Variants in SLIT1 observed in about 807,000 individuals in gnomAD.
SLIT1 encodes slit homolog 1 protein.
In SLIT1, 66 loss-of-function variants were observed where a neutral mutation model predicts 186.1. The ratio of observed to expected loss-of-function variants is 0.35; its 90% confidence interval spans 0.29 to 0.44. The LOEUF (loss-of-function observed/expected upper bound fraction) is 0.44. SLIT1 is among the 20% of genes least tolerant of loss of function. The pLI, the probability that SLIT1 is intolerant of heterozygous loss-of-function variation, is 1.00. For synonymous variants in SLIT1, 761 were observed against 833.8 expected, an observed-to-expected ratio of 0.91 and a Z score of 1.50; for missense variants, 1,638 against 2,037.4, an observed-to-expected ratio of 0.80 and a Z score of 3.77.
intron 4 of SLIT1, among the ~76,000 whole-genome samples, chr10:97,119,333 G>T (rs1382507952): frequency 6.6e-6 from 1 of 152,170 alleles, no homozygotes; most frequent in Non-Finnish European, 1.5e-5. Flanking sequence ...CTCTTTTAAT[G>T]GAAAGGGGCG....
intron 11 of SLIT1, chr10:97,058,083 G>T: frequency 2.8e-6 from 2 of 717,312 alleles, no homozygotes; most frequent in South Asian, 3.0e-5. Flanking sequence ...GTCGTGTGTG[G>T]ACAGGTGACG....
intron 1 of SLIT1, among the ~76,000 whole-genome samples, chr10:97,175,031 C>G (rs1423177578): frequency 6.6e-6 from 1 of 152,174 alleles, no homozygotes; most frequent in Non-Finnish European, 1.5e-5. Flanking sequence ...CAAAGTGCAA[C>G]TCTATGCTAC....
intron 4 of SLIT1, among the ~76,000 whole-genome samples, chr10:97,080,667 C>A (rs1176391413): frequency 1.3e-5 from 2 of 152,168 alleles, no homozygotes; most frequent in African/African-American, 4.8e-5. Context: ...GGGGCAGAGA[C>A]AAATGGAACA....
At chr10:97,093,173 C>A (rs886256849) in intron 4 of SLIT1, among the ~76,000 whole-genome samples, 1 of 152,198 alleles carries the variant, frequency 6.6e-6, no homozygotes, top group African/African-American at 2.4e-5. Flanking sequence ...GAAGACACAA[C>A]CTGTGTTGCA....
Position 97,043,014 on chromosome 10 carries a change from C to A in SLIT1, c.2051G>T (p.Gly684Val). 3 of 1,614,236 alleles carry A rather than the reference C, an allele frequency of 1.9e-6. No individual in the cohort carries two copies. The highest frequency in any genetic ancestry group is 2.5e-6 in the Non-Finnish European group (3 of 1,180,038). ...CACGATCTTGCGCTTCCGTAGCCAGCCTCCTAGCCAGGCCAGCTGGCAGTT... is the reference window on the plus strand; with the variant it reads ...CACGATCTTGCGCTTCCGTAGCCAGACTCCTAGCCAGGCCAGCTGGCAGTT... Reference protein sequence around the residue: ...NCNCQLAWLGGWLRKRKIVTG... With the variant: ...NCNCQLAWLGVWLRKRKIVTG... The change falls in exon 20 of 37, where the codon GGC becomes GTC. Residue 684 changes from glycine to valine, a missense_variant. Around this residue, in one of 3 missense-constraint regions of SLIT1, gnomAD observed 1,245 missense variants for 1,535.3 expected, o/e 0.81. Transcript: ENST00000266058. The surrounding 1 kb of genome is among the most constrained non-coding windows in gnomAD (Gnocchi z 7.0).
chr10:97,094,517 T>A (rs1170188719), intron 4 of SLIT1, among the ~76,000 whole-genome samples: 6 of 152,210 alleles, frequency 3.9e-5, no homozygotes, highest in African/African-American at 1.4e-4. Context: ...TATTGATGAT[T>A]ATGTGAGGCC....
intron 4 of SLIT1, among the ~76,000 whole-genome samples, chr10:97,135,472 C>T (rs1849693424): frequency 6.6e-6 from 1 of 152,106 alleles, no homozygotes; most frequent in South Asian, 2.1e-4. Flanking sequence ...TAGAAAGCAA[C>T]AAGCAGAAAT....
intron 31 of SLIT1, among the ~76,000 whole-genome samples, chr10:97,008,020 G>A (rs902004776): frequency 6.0e-5 from 9 of 150,278 alleles, no homozygotes; most frequent in African/African-American, 2.0e-4. Context: ...AAGGCAGGAA[G>A]GCAAGAAGGA....
At chr10:97,079,198 C>T (rs982644631) in intron 4 of SLIT1, among the ~76,000 whole-genome samples, 2 of 152,102 alleles carry the variant, frequency 1.3e-5, no homozygotes, top group African/African-American at 4.8e-5. Context: ...CCATATGTAC[C>T]ACTTATATAA....
At chr10:97,147,690 C>A (rs1036600824) in intron 4 of SLIT1, among the ~76,000 whole-genome samples, 1 of 152,112 alleles carries the variant, frequency 6.6e-6, no homozygotes, top group Admixed American at 6.5e-5. Context: ...CACTAAGTCG[C>A]CCCACTCTTC....
intron 4 of SLIT1, among the ~76,000 whole-genome samples, chr10:97,156,406 C>T (rs1454822067): frequency 2.0e-5 from 3 of 152,006 alleles, no homozygotes; most frequent in Non-Finnish European, 4.4e-5. Context: ...GGCAAAACCC[C>T]GTCTCTACAA....
At position 97,046,810 on chromosome 10, in the gene SLIT1, G is replaced by A. The variant is rs1436290764; in HGVS notation, c.1710-13C>T. 6.2e-7 allele frequency: 1 copy of A among 1,609,776 alleles called. No individual in the cohort carries two copies. The highest frequency in any genetic ancestry group is 1.3e-5 in the African/African-American group (1 of 74,934). On this transcript the variant is annotated splice_polypyrimidine_tract_variant and intron_variant, in intron 17 of 36. Transcript: ENST00000266058. ...GTTGCTCAGATTGCTGGGAGAAGAGGCGGGGGGAGGATTACATATGGCCAG... is the reference window on the plus strand; with the variant it reads ...GTTGCTCAGATTGCTGGGAGAAGAGACGGGGGGAGGATTACATATGGCCAG...
At position 97,184,016 on chromosome 10, in the gene SLIT1, C is replaced by CA. The variant is rs1850376519; in HGVS notation, c.197+1461dup. On this transcript the variant is annotated intron_variant, in intron 1 of 36. Transcript: ENST00000266058. The surrounding 1 kb of genome is among the most constrained non-coding windows in gnomAD (Gnocchi z 4.4). ...GCATTCACACACACACATACACATG[C>CA]ACCACACACACACACACACACACAC... 1.0e-5 allele frequency among the ~76,000 whole-genome samples: 1 copy of CA among 95,466 alleles called. No homozygotes were observed. The highest frequency in any genetic ancestry group is 4.0e-5 in the African/African-American group (1 of 24,814). 62.6% of individuals were successfully genotyped at this position (95,466 alleles called of 152,430 possible).
chr10:97,182,491 A>C (rs148508688), intron 1 of SLIT1, among the ~76,000 whole-genome samples: 1 of 152,204 alleles, frequency 6.6e-6, no homozygotes, highest in Non-Finnish European at 1.5e-5. Context: ...GGCCTCTTTC[A>C]AGATGTTCTT....
At chr10:97,070,561 T>A (rs538124804) in intron 4 of SLIT1, among the ~76,000 whole-genome samples, 1 of 152,302 alleles carries the variant, frequency 6.6e-6, no homozygotes, top group East Asian at 1.9e-4. Flanking sequence ...GTGATGGTAT[T>A]AGGAGGTGAG....
intron 13 of SLIT1, among the ~76,000 whole-genome samples, chr10:97,055,666 G>A (rs770115881): frequency 1.2e-4 from 18 of 152,076 alleles, no homozygotes; most frequent in East Asian, 3.9e-4. Context: ...CACCATGCCC[G>A]GCCCACAGTA....
intron 4 of SLIT1, among the ~76,000 whole-genome samples, chr10:97,086,421 T>C (rs1849160115): frequency 6.7e-6 from 1 of 148,410 alleles, no homozygotes; most frequent in Non-Finnish European, 1.5e-5. Context: ...AAAAAAAAAA[T>C]ACAAAAATTA....
chr10:97,009,894 T>C (rs1480828825), intron 31 of SLIT1, among the ~76,000 whole-genome samples: 1 of 152,258 alleles, frequency 6.6e-6, no homozygotes, highest in African/African-American at 2.4e-5. Context: ...CTCAACATTA[T>C]TGGCCACTGA....
intron 4 of SLIT1, among the ~76,000 whole-genome samples, chr10:97,121,632 C>G (rs375317960): frequency 1.3e-5 from 2 of 152,172 alleles, no homozygotes; most frequent in South Asian, 4.1e-4. Flanking sequence ...TAATCACACA[C>G]CAGAAAACCC....
Sources: gnomAD v4.1 joint callset for allele counts (sites outside exome capture counted in the v4.1 genomes callset) on GRCh38, gnomAD v4.1.1 for gene constraint, gnomAD v4.1.1 regional missense constraint, Gnocchi (gnomAD v3.1) non-coding constraint, MANE v1.5 for transcripts, NCBI Gene and HGNC (gene_info 2026-07-23, HGNC 2026-07-21) for gene names.